The following PFKM variants were observed in gnomAD, a reference collection of about 807,000 sequenced individuals.
PFKM encodes the protein phosphofructokinase, muscle.
A neutral mutation model predicts 95.5 loss-of-function variants in PFKM; 58 were observed. That is an observed-to-expected ratio of 0.61 (90% CI 0.49 to 0.76). The LOEUF (loss-of-function observed/expected upper bound fraction) is 0.76, where lower values mean the gene tolerates loss of function less well. PFKM is among the 30% of genes least tolerant of loss of function. The pLI, the probability that PFKM is intolerant of heterozygous loss-of-function variation, is 0.00. For missense variants in PFKM, 678 were observed against 1,005.4 expected (o/e 0.67, Z 4.40); for synonymous variants, 336 against 357.2 (o/e 0.94, Z 0.67).
rs1950814614 is a variant in PFKM, at chr12:48,144,097, C to T, written c.1932C>T (p.Tyr644=). 4 of 1,613,994 alleles carry T rather than the reference C, an allele frequency of 2.5e-6. No homozygotes were observed. Among genetic ancestry groups the T allele is most frequent in the Non-Finnish European group, 3.4e-6 (4 of 1,179,848 alleles). The change falls in exon 20 of 23, where the codon TAC becomes TAT. Residue 644 remains tyrosine, a synonymous_variant. Coordinates refer to ENST00000359794, the MANE Select transcript of PFKM (RefSeq NM_000289.6). ...CCACTGACTTCATTTTCAACCTGTA[C>T]TCTGAGGAGGGGAAGGGCATCTTCG... is the stretch of plus-strand genomic sequence containing the variant. ...NYTTDFIFNL[Y]SEEGKGIFDS...
intron 2 of PFKM, among the ~76,000 whole-genome samples, chr12:48,127,457 C>CTTTTA (rs1264866514): frequency 1.3e-5 from 2 of 152,216 alleles, no homozygotes; most frequent in Non-Finnish European, 2.9e-5. Context: ...GTGGACCACG[C>CTTTTA]TTTTACCCTT....
In PFKM at chr12:48,124,029, A is replaced by G. The variant is rs536348438; in HGVS notation, c.85+1170A>G. On this transcript the variant is annotated intron_variant, in intron 2 of 22. Transcript: ENST00000359794. ...ATTAATTAAAAATGAATTAGTGAGT[A>G]TCTACTGTGTCAATCAGGATGATGA... Among the ~76,000 whole-genome samples, 111 of 152,378 alleles carry G rather than the reference A, an allele frequency of 7.3e-4. 3 individuals are homozygous for G. The South Asian group carries it at 0.023, about 31-fold the overall frequency.
chr12:48,119,425 T>A lies in PFKM; in HGVS notation c.-9+19T>A. ...CTAAAAGGCAAGAGGGGCCATTGAG[T>A]GAAGAGCAAGGGGGAGAGCTGGGAG... is the stretch of plus-strand genomic sequence containing the variant. On this transcript the variant is annotated intron_variant, in intron 1 of 22. Transcript: ENST00000359794. 1 of 984,808 alleles carries A rather than the reference T, an allele frequency of 1.0e-6. No homozygotes were observed. The highest frequency in any genetic ancestry group is 1.2e-6 in the Non-Finnish European group (1 of 829,954). 61.0% of individuals were successfully genotyped at this position (984,808 alleles called of 1,614,324 possible).
chr12:48,140,611 T>G (rs993737716), intron 13 of PFKM, 111 bp from the exon 14 acceptor site: 8 of 1,052,740 alleles, frequency 7.6e-6, no homozygotes, highest in Non-Finnish European at 1.0e-5. Context: ...TAGGCAGATA[T>G]CCTGATCCCT....
intron 3 of PFKM, among the ~76,000 whole-genome samples, chr12:48,110,028 A>G (rs939933909): frequency 2.6e-4 from 39 of 152,334 alleles, no homozygotes; most frequent in Non-Finnish European, 5.9e-5. Context: ...AATCACACAC[A>G]TGGTTATATA....
chr12:48,118,646 G>A (rs1411464820), upstream of PFKM: 11 of 866,326 alleles, frequency 1.3e-5, no homozygotes, highest in Non-Finnish European at 2.1e-5. Context: ...AGTGGATCCT[G>A]TTTGCTGTGA....
Position 48,131,372 on chromosome 12 carries a change from C to G in PFKM, c.216C>G (p.Ser72Arg). The stretch of plus-strand genomic sequence containing the variant: ...ACATCAAGGAAGCCACCTGGGAGAG[C>G]GTTTCGATGATGCTTCAGCTGGTAT... ...GDHIKEATWE[S>R]VSMMLQLGGT... Residue 72 changes from serine (S) to arginine (R), a missense_variant, in exon 4 of 23, where the codon AGC becomes AGG. Coordinates refer to ENST00000359794, the MANE Select transcript of PFKM (RefSeq NM_000289.6). 1 of 1,612,520 alleles carries G rather than the reference C, an allele frequency of 6.2e-7. No individual in the cohort carries two copies. The highest frequency in any genetic ancestry group is 2.2e-5 in the East Asian group (1 of 44,866).
chr12:48,140,918 G>C (rs1950528764), intron 14 of PFKM, 47 bp downstream of exon 14: 1 of 1,604,204 alleles, frequency 6.2e-7, no homozygotes, highest in Non-Finnish European at 8.5e-7. Context: ...GGGAAGATAA[G>C]TGTAGCAAGA....
chr12:48,127,396 T>C lies in PFKM; in HGVS notation c.86-2967T>C, dbSNP rs554310005. 3.3e-5 allele frequency among the ~76,000 whole-genome samples: 5 copies of C among 152,322 alleles called. No individual in the cohort carries two copies. The East Asian group carries it at 7.7e-4, about 23-fold the overall frequency. ...CAAACAGCATATCCAAATATGAATGTATCACCCCCACTGCCACCTGCCCAA... is the reference window on the plus strand; with the variant it reads ...CAAACAGCATATCCAAATATGAATGCATCACCCCCACTGCCACCTGCCCAA... On this transcript the variant is annotated intron_variant, in intron 2 of 22. Transcript: ENST00000359794.
intron 4 of PFKM, chr12:48,131,821 A>T (rs1949525740): frequency 2.8e-6 from 1 of 360,450 alleles, no homozygotes; most frequent in Non-Finnish European, 5.4e-6. Context: ...GAAGGAACTG[A>T]GACAGCCTTT....
intron 1 of PFKM, among the ~76,000 whole-genome samples, chr12:48,122,337 A>G (rs1055670933): frequency 2.0e-5 from 3 of 152,136 alleles, no homozygotes; most frequent in African/African-American, 7.2e-5. Context: ...TACTTTGCTG[A>G]TTGTCATCAG....
At chr12:48,140,604 G>T in intron 13 of PFKM, 118 bp from the exon 14 acceptor site, 1 of 1,002,574 alleles carries the variant, frequency 1.0e-6, no homozygotes, top group Admixed American at 1.7e-5. Context: ...GTTGTCTTAG[G>T]CAGATATCCT....
chr12:48,144,948 T>C, intron 20 of PFKM, 83 bp from the exon 21 acceptor site: 1 of 1,006,728 alleles, frequency 9.9e-7, no homozygotes. Context: ...GGGCCCATCT[T>C]TCTTTTTTTC....
At chr12:48,132,223 T>G in intron 4 of PFKM, 1 of 365,592 alleles carries the variant, frequency 2.7e-6, no homozygotes, top group East Asian at 7.6e-5. Context: ...TAAGTATACT[T>G]TCTCTCAGGG....
intron 2 of PFKM, among the ~76,000 whole-genome samples, chr12:48,128,977 G>A (rs1041581076): frequency 6.6e-6 from 1 of 152,070 alleles, no homozygotes; most frequent in Non-Finnish European, 1.5e-5. Context: ...TCACCAATAA[G>A]GCCATGCTTA....
exon 1 of PFKM, chr12:48,106,066 C>T (rs1333673232): frequency 1.4e-6 from 1 of 702,516 alleles, no homozygotes; most frequent in Admixed American, 2.0e-5. Context: ...GGTTTCCGGC[C>T]GGGCGCGGAA....
At chr12:48,105,862 G>T (rs1460988280), upstream of PFKM, 4 of 605,574 alleles carry the variant, frequency 6.6e-6, no homozygotes, top group South Asian at 5.9e-5. Flanking sequence ...CAGCAGGGGG[G>T]AGGGGAGGTG....
Position 48,133,125 on chromosome 12 carries a change from C to T in PFKM, c.427+68C>T, listed in dbSNP as rs1949690983. ...CGTGCACGCGTGTACACACACACAT[C>T]GCCCCCGCCCTGCTTTTACCTCCCA... is the stretch of plus-strand genomic sequence containing the variant. On this transcript the variant is annotated intron_variant, in intron 5 of 22. Coordinates refer to ENST00000359794, the MANE Select transcript of PFKM (RefSeq NM_000289.6). 24 of 1,457,324 alleles carry T rather than the reference C, an allele frequency of 1.6e-5. 1 individual carries two copies. Among genetic ancestry groups the T allele is most frequent in the African/African-American group, 2.8e-5 (2 of 72,048 alleles). 90.3% of individuals were successfully genotyped at this position (1,457,324 alleles called of 1,614,324 possible).
chr12:48,115,626 G>A (rs539246774), upstream of PFKM, among the ~76,000 whole-genome samples: 87 of 152,286 alleles, frequency 5.7e-4, no homozygotes, highest in East Asian at 3.5e-3. Flanking sequence ...GGATGTATAC[G>A]TGCAGGTCAC....
Sources: gnomAD v4.1 joint callset for allele counts (sites outside exome capture counted in the v4.1 genomes callset) on GRCh38, gnomAD v4.1.1 for gene constraint, MANE v1.5 for transcripts, NCBI Gene and HGNC (gene_info 2026-07-23, HGNC 2026-07-21) for gene names.